LRMDA: variants seen among roughly 807,000 people sequenced by gnomAD.
LRMDA encodes the protein leucine rich melanocyte differentiation associated.
Under a neutral mutation model 29.8 loss-of-function variants are expected in LRMDA, and 18 were observed. That is an observed-to-expected ratio of 0.60 (90% CI 0.42 to 0.90). The LOEUF (loss-of-function observed/expected upper bound fraction) is 0.90, where lower values mean the gene tolerates loss of function less well. Ranked by LOEUF, LRMDA falls within the 40% of genes least tolerant of loss-of-function variation. The probability of loss-of-function intolerance (pLI) is 0.00; values close to 1 mark genes in which losing one functional copy is unlikely to be tolerated. For missense variants in LRMDA, 273 were observed against 273.9 expected (o/e 1.00, Z 0.02); for synonymous variants, 125 against 109.4 (o/e 1.14, Z -0.89).
At chr10:75,791,662 G>C (rs1272549886) in intron 2 of LRMDA, among the ~76,000 whole-genome samples, 1 of 152,136 alleles carries the variant, frequency 6.6e-6, no homozygotes, top group African/African-American at 2.4e-5. Context: ...CCAACTTACA[G>C]TAGCTTATTT....
chr10:76,020,982 C>T (rs148771902), intron 2 of LRMDA, among the ~76,000 whole-genome samples: 1 of 152,256 alleles, frequency 6.6e-6, no homozygotes, highest in East Asian at 1.9e-4. Context: ...TTCTGGCTCT[C>T]TTCTTGGACT....
chr10:76,421,104 T>C (rs927935859), intron 6 of LRMDA, among the ~76,000 whole-genome samples: 3 of 152,178 alleles, frequency 2.0e-5, no homozygotes, highest in Non-Finnish European at 4.4e-5. Flanking sequence ...TCTGCTTCTT[T>C]TACTTACTGA....
intron 6 of LRMDA, among the ~76,000 whole-genome samples, chr10:76,468,704 A>G (rs948240861): frequency 7.9e-5 from 12 of 152,188 alleles, no homozygotes; most frequent in Non-Finnish European, 1.5e-4. Flanking sequence ...ATGTGTTTGG[A>G]AAAAACTGTA....
chr10:75,785,452 T>C (rs902900070), intron 2 of LRMDA, among the ~76,000 whole-genome samples: 3 of 152,224 alleles, frequency 2.0e-5, no homozygotes, highest in Non-Finnish European at 4.4e-5. Context: ...GAGAAGCGAC[T>C]GTGAAGCTGT....
chr10:76,211,094 C>T (rs1315753352), intron 5 of LRMDA, among the ~76,000 whole-genome samples: 1 of 152,172 alleles, frequency 6.6e-6, no homozygotes, highest in Non-Finnish European at 1.5e-5. Flanking sequence ...CCCCCTTACT[C>T]ATCTGCTTTT....
intron 2 of LRMDA, among the ~76,000 whole-genome samples, chr10:75,569,485 G>A (rs956974391): frequency 6.6e-6 from 1 of 152,180 alleles, no homozygotes; most frequent in Non-Finnish European, 1.5e-5. Flanking sequence ...TTTCATTAAT[G>A]TGCCAGCTTG....
chr10:76,323,933 T>A (rs919755390), intron 5 of LRMDA, among the ~76,000 whole-genome samples: 5 of 152,194 alleles, frequency 3.3e-5, no homozygotes, highest in Non-Finnish European at 5.9e-5. Context: ...GTGACTTCAT[T>A]CTGCCAAGTC....
intron 2 of LRMDA, chr10:75,601,252 T>C (rs1840881916): frequency 6.6e-6 from 1 of 152,242 alleles, no homozygotes; most frequent in Non-Finnish European, 1.5e-5. Context: ...GGCTGCTCTT[T>C]CTTGCCTGTT....
At chr10:75,884,908 CG>C (rs1162977653) in intron 2 of LRMDA, among the ~76,000 whole-genome samples, 3 of 151,500 alleles carry the variant, frequency 2.0e-5, no homozygotes, top group Non-Finnish European at 4.4e-5. Context: ...TTAGGAGGTC[CG>C]GGGAGGATAG....
At chr10:75,902,597 A>T (rs1845694252) in intron 2 of LRMDA, among the ~76,000 whole-genome samples, 1 of 151,938 alleles carries the variant, frequency 6.6e-6, no homozygotes, top group South Asian at 2.1e-4. Flanking sequence ...CTTGGCACTG[A>T]CTGTGCCAAG....
chr10:76,098,617 T>C (rs1849349968), intron 5 of LRMDA, among the ~76,000 whole-genome samples: 1 of 152,170 alleles, frequency 6.6e-6, no homozygotes, highest in African/African-American at 2.4e-5. Flanking sequence ...ATCAGTTGTA[T>C]TGACTTTTTT....
chr10:75,811,284 C>A (rs1164831330), intron 2 of LRMDA, among the ~76,000 whole-genome samples: 1 of 152,162 alleles, frequency 6.6e-6, no homozygotes, highest in Non-Finnish European at 1.5e-5. Flanking sequence ...AGCTCCACCC[C>A]CACCCCTTGC....
chr10:75,444,616 C>G (rs1844368623), intron 2 of LRMDA, among the ~76,000 whole-genome samples: 1 of 152,098 alleles, frequency 6.6e-6, no homozygotes, highest in Non-Finnish European at 1.5e-5. Flanking sequence ...GACATTTTGT[C>G]CCTTGAAATT....
intron 2 of LRMDA, among the ~76,000 whole-genome samples, chr10:75,523,185 A>T (rs1317177785): frequency 6.6e-6 from 1 of 152,158 alleles, no homozygotes; most frequent in Non-Finnish European, 1.5e-5. Context: ...AGTACTGTCC[A>T]CATATAGGTT....
intron 6 of LRMDA, among the ~76,000 whole-genome samples, chr10:76,531,339 A>G (rs1171192882): frequency 6.6e-6 from 1 of 152,186 alleles, no homozygotes; most frequent in Non-Finnish European, 1.5e-5. Flanking sequence ...ATTGAATGAC[A>G]TGGGTGAGAG....
intron 5 of LRMDA, among the ~76,000 whole-genome samples, chr10:76,295,310 A>G (rs928783357): frequency 2.0e-5 from 3 of 152,220 alleles, no homozygotes; most frequent in Non-Finnish European, 4.4e-5. Flanking sequence ...GGCATTGTAG[A>G]AGAGATGTCT....
rs562300746 is a variant in LRMDA, at chr10:76,091,948, A to G, written c.516+33165A>G. On this transcript the variant is annotated intron_variant, in intron 5 of 6. Coordinates refer to ENST00000611255, the MANE Select transcript of LRMDA (RefSeq NM_001305581.2). The stretch of plus-strand genomic sequence containing the variant: ...AGGATCCTGGTGCCTTGGCCTTTCA[A>G]AGTGTTGGGATTACAGATGTGAGCC... 4.2e-3 allele frequency among the ~76,000 whole-genome samples: 638 copies of G among 152,212 alleles called. 2 individuals are homozygous for G. Among genetic ancestry groups the G allele is most frequent in the African/African-American group, 0.015 (613 of 41,522 alleles).
chr10:76,329,619 A>G (rs190377171), intron 6 of LRMDA, among the ~76,000 whole-genome samples: 4 of 152,334 alleles, frequency 2.6e-5, no homozygotes, highest in Non-Finnish European at 4.4e-5. Context: ...TTAGGTACTC[A>G]TCTTCCTCTC....
chr10:75,786,501 A>G (rs1351044010), intron 2 of LRMDA, among the ~76,000 whole-genome samples: 1 of 151,984 alleles, frequency 6.6e-6, no homozygotes, highest in East Asian at 1.9e-4. Context: ...TTTATTGTTC[A>G]TTGGAAATAT....
Sources: allele counts gnomAD v4.1 joint callset (sites outside exome capture counted in the v4.1 genomes callset), GRCh38; gene constraint gnomAD v4.1.1; transcripts MANE v1.5; gene names NCBI Gene and HGNC (gene_info 2026-07-23, HGNC 2026-07-21).